The following GAS2L3 variants were observed in gnomAD, a reference collection of about 807,000 sequenced individuals.
GAS2L3 encodes the protein GAS2-like protein 3.
In GAS2L3, 28 loss-of-function variants were observed where a neutral mutation model predicts 37.0. That is an observed-to-expected ratio of 0.76 (90% confidence interval 0.56 to 1.04). The LOEUF is 1.04. GAS2L3 is among the 50% of genes least tolerant of loss of function. The pLI is 0.00. For missense variants in GAS2L3, 793 were observed against 817.6 expected (o/e 0.97, Z 0.37); for synonymous variants, 290 against 296.6 (o/e 0.98, Z 0.23).
chr12:100,624,884 A>C lies in GAS2L3; in HGVS notation c.2079A>C (p.Arg693Ser). 1 of 1,567,838 alleles carries C rather than the reference A, an allele frequency of 6.4e-7. No homozygotes were observed. Among genetic ancestry groups the C allele is most frequent in the Middle Eastern group, 1.7e-4 (1 of 5,874 alleles). Residue 693 changes from arginine to serine, a missense_variant, in exon 10 of 10, where the codon AGA becomes AGC. Arg to Ser is a moderately radical substitution (Grantham distance 110, BLOSUM62 -1). Coordinates refer to ENST00000547754, the MANE Select transcript of GAS2L3 (RefSeq NM_174942.3). ...TCATGACTGGAAGTAAGAAACCTAG[A>C]AAATAAATACATACTCATTATAAAA... ...YFVMTGSKKP[R>S]K
intron 1 of GAS2L3, among the ~76,000 whole-genome samples, chr12:100,581,837 C>T (rs1348947790): frequency 6.6e-6 from 1 of 151,908 alleles, no homozygotes; most frequent in African/African-American, 2.4e-5. Flanking sequence ...TTATTTTTTG[C>T]TTAATTTTTA....
intron 6 of GAS2L3, among the ~76,000 whole-genome samples, chr12:100,615,079 G>A (rs186942005): frequency 6.6e-5 from 10 of 152,204 alleles, no homozygotes; most frequent in Non-Finnish European, 1.0e-4. Context: ...TTATCTTTTT[G>A]AGGAGCTGTT....
intron 7 of GAS2L3, among the ~76,000 whole-genome samples, chr12:100,618,145 G>T (rs914218830): frequency 1.3e-5 from 2 of 152,056 alleles, no homozygotes; most frequent in South Asian, 4.2e-4. Context: ...GGCAAGGAGT[G>T]GTGTCCCCCA....
intron 1 of GAS2L3, among the ~76,000 whole-genome samples, chr12:100,591,338 G>A (rs1669755433): frequency 6.6e-6 from 1 of 152,094 alleles, no homozygotes; most frequent in Admixed American, 6.6e-5. Context: ...AGGACATTGA[G>A]GAGACAGGTT....
intron 9 of GAS2L3, among the ~76,000 whole-genome samples, chr12:100,622,779 A>AAAAAAAAAAAAAAAAAAAAAAAG (rs1956274729): frequency 8.0e-6 from 1 of 125,376 alleles, no homozygotes; most frequent in East Asian, 2.1e-4. Flanking sequence ...AAAAAAAAAA[A>AAAAAAAAAAAAAAAAAAAAAAAG]AAAGAAAAGA....
rs1340544103 is a variant in GAS2L3 at position 100,600,419 on chromosome 12, G to A, written c.56G>A (p.Ser19Asn). The A allele has an allele frequency of 2.5e-6, 4 of 1,608,360 alleles. No individual in the cohort carries two copies. The African/African-American group carries it at 4.0e-5, about 16-fold the overall frequency. ...FGEDLPLSPR[S>N]PLTPRHGPGL... The stretch of plus-strand genomic sequence containing the variant: ...GAAGATCTGCCTCTAAGTCCTCGGA[G>A]TCCTCTGACTCCCAGACACGGACCA... Residue 19 changes from serine (S) to asparagine (N), a missense_variant, in exon 4 of 10, where the codon AGT (serine) becomes AAT (asparagine). By Grantham distance (46) the Ser-to-Asn change is conservative. Transcript: ENST00000547754.
In GAS2L3 at chr12:100,623,629, T is replaced by C. The variant is rs199712487; in HGVS notation, c.824T>C (p.Leu275Pro). Reference protein sequence around the residue: ...GGWDTLQGFLLKYDPCRILQF... With the variant: ...GGWDTLQGFLPKYDPCRILQF... ...TGGGATACTCTTCAAGGATTTTTGC[T>C]TAAATATGACCCCTGTCGAATATTA... Residue 275 changes from leucine (L) to proline (P), a missense_variant, in exon 10 of 10, where the codon CTT (leucine) becomes CCT (proline). Leu to Pro is a moderately conservative substitution (Grantham distance 98). Coordinates refer to ENST00000547754, the MANE Select transcript of GAS2L3 (RefSeq NM_174942.3). 6.2e-7 allele frequency: 1 copy of C among 1,613,556 alleles called. No homozygotes were observed. Among genetic ancestry groups the C allele is most frequent in the East Asian group, 2.2e-5 (1 of 44,866 alleles).
intron 2 of GAS2L3, among the ~76,000 whole-genome samples, chr12:100,594,452 G>A (rs1009035920): frequency 2.0e-5 from 3 of 151,984 alleles, no homozygotes; most frequent in African/African-American, 7.2e-5. Flanking sequence ...CATATGACCT[G>A]TTAGGACTTT....
At chr12:100,577,822 A>C (rs1475599540) in intron 1 of GAS2L3, among the ~76,000 whole-genome samples, 4 of 152,216 alleles carry the variant, frequency 2.6e-5, no homozygotes, top group Non-Finnish European at 5.9e-5. Context: ...TCTGGAAAAG[A>C]GGTGTAAGAA....
rs547187130 is a variant in GAS2L3, at chr12:100,627,150, A to G, written c.*2260A>G. 6.6e-6 allele frequency among the ~76,000 whole-genome samples: 1 copy of G among 152,018 alleles called. No homozygotes were observed. Among genetic ancestry groups the G allele is most frequent in the Non-Finnish European group, 1.5e-5 (1 of 68,002 alleles). On this transcript the variant is annotated 3_prime_UTR_variant, in exon 10 of 10. Coordinates refer to ENST00000547754, the MANE Select transcript of GAS2L3 (RefSeq NM_174942.3). ...TATTTGAATAATTGGAAGTCAGTTT[A>G]TACATTACTATTTTTCAGCAGTAGG...
At chr12:100,621,947 G>A (rs7973982) in intron 8 of GAS2L3, among the ~76,000 whole-genome samples, 63,141 of 149,536 alleles carry the variant, frequency 0.42, 14,299 homozygotes, top group Non-Finnish European at 0.52. Flanking sequence ...GACAGACAGA[G>A]AGATACCAGC....
chr12:100,595,278 T>A (rs1338598738), intron 3 of GAS2L3, among the ~76,000 whole-genome samples: 1 of 152,008 alleles, frequency 6.6e-6, no homozygotes. Flanking sequence ...CAATTTAGTA[T>A]GTATTTACAG....
rs1305148652 is a variant in GAS2L3, at chr12:100,625,817, T to C, written c.*927T>C. ...CTTTAAAATTAAGATGATGTTAAAA[T>C]AATTTTAGAGTTATGCTATGTAAAA... On this transcript the variant is annotated 3_prime_UTR_variant, in exon 10 of 10. Coordinates refer to ENST00000547754, the MANE Select transcript of GAS2L3 (RefSeq NM_174942.3). 4 of 152,244 alleles carry C rather than the reference T, an allele frequency of 2.6e-5. No homozygotes were observed. The highest frequency in any genetic ancestry group is 5.9e-5 in the Non-Finnish European group (4 of 68,038). 9.4% of individuals were successfully genotyped at this position (152,244 alleles called of 1,614,324 possible).
intron 3 of GAS2L3, among the ~76,000 whole-genome samples, chr12:100,595,430 G>A (rs1955899923): frequency 1.3e-5 from 2 of 150,330 alleles, no homozygotes; most frequent in South Asian, 4.2e-4. Flanking sequence ...TTTTGTGGAG[G>A]GGTGCAAGCT....
chr12:100,601,581 T>G (rs186358405), intron 4 of GAS2L3, 57 bp from the exon 5 acceptor site: 5 of 820,636 alleles, frequency 6.1e-6, no homozygotes, highest in Admixed American at 5.5e-5. Flanking sequence ...TTAATTAATT[T>G]TAACCATATT....
chr12:100,620,323 A>G (rs1956238125), intron 8 of GAS2L3, among the ~76,000 whole-genome samples: 1 of 152,086 alleles, frequency 6.6e-6, no homozygotes, highest in Non-Finnish European at 1.5e-5. Context: ...GACAAACTGT[A>G]TAGAAATGAG....
At chr12:100,589,339 CAA>C (rs57889034) in intron 1 of GAS2L3, among the ~76,000 whole-genome samples, 5 of 145,794 alleles carry the variant, frequency 3.4e-5, no homozygotes, top group East Asian at 2.0e-4. Context: ...ATAATAGCTG[CAA>C]AAAAAAAAAT....
chr12:100,590,437 G>A (rs1187874452), intron 1 of GAS2L3, among the ~76,000 whole-genome samples: 3 of 152,112 alleles, frequency 2.0e-5, no homozygotes, highest in Non-Finnish European at 4.4e-5. Flanking sequence ...GCATGGATGC[G>A]GTGAACAAGG....
At position 100,624,223 on chromosome 12, in the gene GAS2L3, A is replaced by G. The variant is rs1032976140; in HGVS notation, c.1418A>G (p.Tyr473Cys). 7 of 1,614,070 alleles carry G rather than the reference A, an allele frequency of 4.3e-6. No individual in the cohort carries two copies. Among genetic ancestry groups the G allele is most frequent in the Non-Finnish European group, 5.9e-6 (7 of 1,179,998 alleles). Residue 473 changes from tyrosine (Y) to cysteine (C), a missense_variant, in exon 10 of 10, where the codon TAT becomes TGT. By Grantham distance (194) the Tyr-to-Cys change is radical. Coordinates refer to ENST00000547754, the MANE Select transcript of GAS2L3 (RefSeq NM_174942.3). The stretch of plus-strand genomic sequence containing the variant: ...TGTTCAGGAAAAACTCAACCTAAGT[A>G]TTTGAAACATAATCATATTTCTTCC... ...NKCSGKTQPK[Y>C]LKHNHISSRD...
Sources: gnomAD v4.1 joint callset for allele counts (sites outside exome capture counted in the v4.1 genomes callset) on GRCh38, gnomAD v4.1.1 for gene constraint, MANE v1.5 for transcripts, NCBI Gene and HGNC (gene_info 2026-07-23, HGNC 2026-07-21) for gene names.